Variants in TENM2 observed in about 807,000 individuals in gnomAD.
TENM2 encodes the protein teneurin-2.
TENM2 carries 52 observed loss-of-function variants against 245.2 expected under a neutral mutation model. The ratio of observed to expected loss-of-function variants is 0.21; its 90% CI spans 0.17 to 0.27. The LOEUF (loss-of-function observed/expected upper bound fraction) is 0.27. Among genes scored for constraint, TENM2 ranks in the 10% least tolerant of loss-of-function variants. TENM2 has a pLI of 1.00. For missense variants in TENM2, 3,046 were observed against 3,666.8 expected, an observed-to-expected ratio of 0.83 and a Z score of 4.37; for synonymous variants, 1,363 against 1,438.9, an observed-to-expected ratio of 0.95 and a Z score of 1.19.
intron 3 of TENM2, chr5:167,935,037 T>C (rs996145424): frequency 1.6e-5 from 6 of 379,512 alleles, no homozygotes; most frequent in Non-Finnish European, 2.2e-5. Flanking sequence ...GCGGGAAAGG[T>C]CAGAACACCT....
chr5:167,671,535 T>C (rs1755941746), intron 2 of TENM2, among the ~76,000 whole-genome samples: 1 of 152,030 alleles, frequency 6.6e-6, no homozygotes, highest in Admixed American at 6.6e-5. Flanking sequence ...TCCCAAGTGA[T>C]TTGACATCGA....
At chr5:168,055,298 G>A (rs1040527545) in intron 6 of TENM2, among the ~76,000 whole-genome samples, 4 of 152,200 alleles carry the variant, frequency 2.6e-5, no homozygotes, top group Non-Finnish European at 5.9e-5. Flanking sequence ...TTGCATGGAA[G>A]TATGAATGAA....
chr5:167,578,828 TCTAA>T (rs1774888017), intron 2 of TENM2, among the ~76,000 whole-genome samples: 1 of 152,208 alleles, frequency 6.6e-6, no homozygotes, highest in African/African-American at 2.4e-5. Context: ...TGGAGACTAC[TCTAA>T]CTATATAATG....
chr5:167,507,483 A>G (rs940809851), intron 2 of TENM2, among the ~76,000 whole-genome samples: 1 of 152,194 alleles, frequency 6.6e-6, no homozygotes, highest in Non-Finnish European at 1.5e-5. Context: ...CAACTTCTAA[A>G]AAAATTAGGA....
chr5:168,150,207 C>A (rs1361696682), intron 12 of TENM2, among the ~76,000 whole-genome samples: 2 of 152,200 alleles, frequency 1.3e-5, no homozygotes, highest in Non-Finnish European at 2.9e-5. Flanking sequence ...CTAGAAACTA[C>A]CCGGTGCATA....
intron 7 of TENM2, among the ~76,000 whole-genome samples, chr5:168,084,658 G>A (rs571271388): frequency 3.0e-4 from 46 of 152,288 alleles, no homozygotes; most frequent in African/African-American, 1.1e-3. Flanking sequence ...GGATGAGCTT[G>A]GCATCTTCCA....
chr5:167,520,655 G>T (rs1363296575), intron 2 of TENM2, among the ~76,000 whole-genome samples: 1 of 151,978 alleles, frequency 6.6e-6, no homozygotes, highest in Non-Finnish European at 1.5e-5. Context: ...TTTATGATTC[G>T]TCATTCCAGT....
chr5:167,456,753 C>T (rs1365789426), intron 2 of TENM2, among the ~76,000 whole-genome samples: 1 of 152,098 alleles, frequency 6.6e-6, no homozygotes, highest in Non-Finnish European at 1.5e-5. Flanking sequence ...AGTTTTCATC[C>T]ATCTAATTTT....
chr5:168,023,678 C>T (rs537219006), intron 5 of TENM2, among the ~76,000 whole-genome samples: 2 of 152,308 alleles, frequency 1.3e-5, no homozygotes, highest in Admixed American at 1.3e-4. Flanking sequence ...CCATCAGACA[C>T]GTAGGTGGGT....
rs556691093 is a variant in TENM2, at chr5:167,357,721, C to T, written c.227-17477C>T. ...ATGTGTGTACGATAATAAATTTGTT[C>T]TCATATGTTTTTGAAGTTTATTAAA... On this transcript the variant is annotated intron_variant, in intron 1 of 28. Coordinates refer to ENST00000518659, the Ensembl canonical transcript of TENM2. Among the ~76,000 whole-genome samples the T allele has an allele frequency of 2.6e-5, 4 of 152,172 alleles. No homozygotes were observed. The East Asian group carries it at 7.7e-4, about 29-fold the overall frequency.
chr5:168,228,723 G>C (rs1335681538), intron 25 of TENM2, among the ~76,000 whole-genome samples: 1 of 83,088 alleles, frequency 1.2e-5, no homozygotes, highest in Non-Finnish European at 1.9e-5. Flanking sequence ...AGCCTGAGAG[G>C]TTCAGGGAAG....
At chr5:167,242,215 A>T in the TENM2 span, among the ~76,000 whole-genome samples, 2 of 148,038 alleles carry the variant, frequency 1.4e-5, no homozygotes, top group Non-Finnish European at 3.0e-5. Context: ...ACATGAGGCT[A>T]ATTTTTGTAT....
intron 3 of TENM2, among the ~76,000 whole-genome samples, chr5:167,920,945 C>G (rs1356580793): frequency 1.3e-5 from 2 of 152,178 alleles, no homozygotes; most frequent in African/African-American, 2.4e-5. Context: ...TTATTATCCT[C>G]TCTCACCCAT....
chr5:167,355,001 G>C (rs1254645432), intron 1 of TENM2, among the ~76,000 whole-genome samples: 1 of 152,086 alleles, frequency 6.6e-6, no homozygotes, highest in African/African-American at 2.4e-5. Context: ...CAATGTAGGT[G>C]GGGTGAAAAT....
the TENM2 span, among the ~76,000 whole-genome samples, chr5:167,275,859 T>C: frequency 1.3e-5 from 2 of 152,202 alleles, no homozygotes; most frequent in Admixed American, 6.5e-5. Context: ...CTTTCCTTTC[T>C]TGTGTTGTTG....
chr5:167,376,481 G>C (rs913608557), intron 2 of TENM2, among the ~76,000 whole-genome samples: 1 of 152,046 alleles, frequency 6.6e-6, no homozygotes, highest in East Asian at 1.9e-4. Flanking sequence ...ATTTGCAGGT[G>C]GACAGCTTGT....
chr5:167,745,046 C>A (rs1336426467), intron 2 of TENM2, among the ~76,000 whole-genome samples: 1 of 152,174 alleles, frequency 6.6e-6, no homozygotes, highest in Non-Finnish European at 1.5e-5. Flanking sequence ...AGACAGGCAA[C>A]AACCAACAGC....
At chr5:168,097,936 T>C (rs1347123934) in intron 8 of TENM2, 90 bp from the exon 11 acceptor site, 1 of 857,074 alleles carries the variant, frequency 1.2e-6, no homozygotes, top group Non-Finnish European at 1.9e-6. Flanking sequence ...TTACTACCAC[T>C]GGTCTTTAAA....
At chr5:167,478,990 A>ATGTG (rs58286500) in intron 2 of TENM2, among the ~76,000 whole-genome samples, 18,906 of 151,312 alleles carry the variant, frequency 0.12, 2,572 homozygotes, top group African/African-American at 0.29. Context: ...CTTTATATAT[A>ATGTG]TGTGTGTGTG....
Sources: gnomAD v4.1 joint callset for allele counts (sites outside exome capture counted in the v4.1 genomes callset) on GRCh38, gnomAD v4.1.1 for gene constraint, MANE v1.5 for transcripts, NCBI Gene and HGNC (gene_info 2026-07-23, HGNC 2026-07-21) for gene names.